Variants in RAPGEF4 observed in about 807,000 individuals in gnomAD.
The protein encoded by RAPGEF4 is RAP guanine-nucleotide-exchange factor (GEF) 4.
RAPGEF4 carries 66 observed loss-of-function variants against 147.9 expected under a neutral mutation model. The observed-to-expected ratio is 0.45, with a 90% CI of 0.37 to 0.55. The LOEUF (loss-of-function observed/expected upper bound fraction) is 0.55. Ranked by LOEUF, RAPGEF4 falls within the 20% of genes least tolerant of loss-of-function variation. The pLI is 0.00. For missense variants in RAPGEF4, 1,071 were observed against 1,257.3 expected, an observed-to-expected ratio of 0.85 and a Z score of 2.24; for synonymous variants, 419 against 442.7, an observed-to-expected ratio of 0.95 and a Z score of 0.67.
intron 6 of RAPGEF4, among the ~76,000 whole-genome samples, chr2:172,947,564 A>G (rs1267062271): frequency 6.6e-6 from 1 of 152,196 alleles, no homozygotes; most frequent in African/African-American, 2.4e-5. Context: ...TCATGCATAC[A>G]AGCATATATG....
At chr2:172,812,329 G>A (rs72908142) in intron 3 of RAPGEF4, among the ~76,000 whole-genome samples, 19,209 of 152,146 alleles carry the variant, frequency 0.13, 1,307 homozygotes, top group South Asian at 0.2. Flanking sequence ...CCCTTACAGA[G>A]GTGGTCCTGA....
At chr2:172,973,154 C>G (rs896162074) in intron 10 of RAPGEF4, among the ~76,000 whole-genome samples, 5 of 149,892 alleles carry the variant, frequency 3.3e-5, no homozygotes, top group Admixed American at 2.7e-4. Context: ...ACTCTGTCAC[C>G]CAGGCTGGAG....
intron 10 of RAPGEF4, among the ~76,000 whole-genome samples, chr2:172,976,839 C>G (rs546546386): frequency 6.6e-6 from 1 of 152,346 alleles, no homozygotes; most frequent in South Asian, 2.1e-4. Context: ...CTTCCAATAT[C>G]ACCTGAGCCC....
chr2:172,782,151 T>C (rs1040069299), intron 1 of RAPGEF4, among the ~76,000 whole-genome samples: 7 of 152,222 alleles, frequency 4.6e-5, no homozygotes, highest in Non-Finnish European at 8.8e-5. Context: ...AAATAACTCA[T>C]AAACTCATCA....
intron 8 of RAPGEF4, among the ~76,000 whole-genome samples, chr2:172,961,671 G>A (rs1398294458): frequency 6.6e-6 from 1 of 152,218 alleles, no homozygotes; most frequent in Non-Finnish European, 1.5e-5. Context: ...GAGGCTTGGA[G>A]AAATTAGTTT....
intron 4 of RAPGEF4, among the ~76,000 whole-genome samples, chr2:172,833,119 A>T (rs975758116): frequency 1.3e-5 from 2 of 151,454 alleles, no homozygotes; most frequent in Non-Finnish European, 2.9e-5. Context: ...CAGGAAAATC[A>T]CTTGAACCTG....
chr2:172,912,919 G>A (rs1316125792), intron 4 of RAPGEF4, among the ~76,000 whole-genome samples: 2 of 140,790 alleles, frequency 1.4e-5, no homozygotes, highest in African/African-American at 2.7e-5. Flanking sequence ...TTTTTGAGAT[G>A]GAGTGTTTGT....
At chr2:172,771,962 C>T (rs1294028989) in intron 1 of RAPGEF4, among the ~76,000 whole-genome samples, 1 of 152,142 alleles carries the variant, frequency 6.6e-6, no homozygotes, top group South Asian at 2.1e-4. Context: ...GTTGGCTGGG[C>T]ATGGTGGCAA....
intron 1 of RAPGEF4, among the ~76,000 whole-genome samples, chr2:172,748,648 C>A (rs1198298410): frequency 6.6e-6 from 1 of 152,066 alleles, no homozygotes; most frequent in Non-Finnish European, 1.5e-5. Context: ...ATCATTCTGC[C>A]CCAGCCTCTC....
chr2:173,030,657 T>C lies in RAPGEF4; in HGVS notation c.2649+403T>C, dbSNP rs550920697. On this transcript the variant is annotated intron_variant, in intron 26 of 30. Coordinates refer to ENST00000397081, the MANE Select transcript of RAPGEF4 (RefSeq NM_007023.4). ...TCTTTAATTGAAAGAGGACAGAAGATCCATTTTTATCCAAGTACTCATTTT... is the reference window on the plus strand; with the variant it reads ...TCTTTAATTGAAAGAGGACAGAAGACCCATTTTTATCCAAGTACTCATTTT... 2.0e-4 allele frequency among the ~76,000 whole-genome samples: 31 copies of C among 152,318 alleles called. 1 individual carries two copies. In the South Asian group the frequency reaches 3.3e-3, roughly 16 times the overall value.
rs931008072 is a variant in RAPGEF4, at chr2:172,821,702, G to A, written c.444+7277G>A. The A allele has an allele frequency of 2.9e-5, 30 of 1,040,856 alleles. No individual in the cohort carries two copies. The Admixed American group carries it at 1.5e-3, about 52-fold the overall frequency. The allele number at this position is 1,040,856 out of a possible 1,614,324, so 64.5% of individuals were successfully genotyped here. ...TGGCAAAATGATTCAAATCCAGAAA[G>A]GAAGGGAGTGAAGTTATTAGGAGCT... On this transcript the variant is annotated intron_variant, in intron 4 of 30. Transcript: ENST00000397081.
chr2:172,746,905 G>A (rs183585755), intron 1 of RAPGEF4, among the ~76,000 whole-genome samples: 56 of 152,248 alleles, frequency 3.7e-4, no homozygotes, highest in African/African-American at 1.3e-3. Flanking sequence ...GAGCCACTGC[G>A]CCTGGCCAGA....
At chr2:172,856,592 G>T (rs1008606499) in intron 4 of RAPGEF4, among the ~76,000 whole-genome samples, 1 of 152,090 alleles carries the variant, frequency 6.6e-6, no homozygotes, top group Non-Finnish European at 1.5e-5. Flanking sequence ...CAGTTAACTT[G>T]GCAAAACTCA....
intron 15 of RAPGEF4, among the ~76,000 whole-genome samples, chr2:172,992,918 G>A (rs1325740629): frequency 6.6e-6 from 1 of 152,118 alleles, no homozygotes; most frequent in Admixed American, 6.5e-5. Flanking sequence ...GAGTTGAAGG[G>A]GAGGGGGGCA....
intron 4 of RAPGEF4, among the ~76,000 whole-genome samples, chr2:172,910,511 A>G (rs774658200): frequency 3.3e-5 from 5 of 152,218 alleles, no homozygotes; most frequent in Non-Finnish European, 5.9e-5. Flanking sequence ...CCACCATTCT[A>G]TTATATGTAT....
intron 1 of RAPGEF4, among the ~76,000 whole-genome samples, chr2:172,788,235 G>A (rs1685435172): frequency 6.6e-6 from 1 of 152,106 alleles, no homozygotes; most frequent in Non-Finnish European, 1.5e-5. Context: ...CGGGGACTTA[G>A]GACACAACAT....
chr2:172,983,553 T>G lies in RAPGEF4; in HGVS notation c.1062T>G (p.Ile354Met). 6.2e-7 allele frequency: 1 copy of G among 1,613,904 alleles called. No homozygotes were observed. Among genetic ancestry groups the G allele is most frequent in the Non-Finnish European group, 8.5e-7 (1 of 1,179,988 alleles). ...TTATCTATGAGGAGCTTCTTCATATTAAAGCCTTATCCCATCTTTCTACCA... is the reference window on the plus strand; with the variant it reads ...TTATCTATGAGGAGCTTCTTCATATGAAAGCCTTATCCCATCTTTCTACCA... ...LEIIYEELLH[I>M]KALSHLSTTV... Residue 354 changes from isoleucine to methionine, a missense_variant, in exon 11 of 31, where the codon ATT becomes ATG. Ile to Met is a conservative substitution (Grantham distance 10). Transcript: ENST00000397081.
intron 6 of RAPGEF4, among the ~76,000 whole-genome samples, chr2:172,927,863 G>C (rs201615857): frequency 1.6e-4 from 24 of 152,282 alleles, no homozygotes; most frequent in African/African-American, 5.1e-4. Context: ...GGTACCAGTG[G>C]CCTCACTAGT....
intron 2 of RAPGEF4, 78 bp from the exon 3 acceptor site, chr2:172,797,447 A>G (rs1686488983): frequency 1.8e-6 from 2 of 1,122,632 alleles, no homozygotes; most frequent in Non-Finnish European, 1.3e-6. Context: ...ACATGCTTGG[A>G]CCAGTGAAAA....
Sources: allele counts gnomAD v4.1 joint callset (sites outside exome capture counted in the v4.1 genomes callset), GRCh38; gene constraint gnomAD v4.1.1; transcripts MANE v1.5; gene names NCBI Gene and HGNC (gene_info 2026-07-23, HGNC 2026-07-21).